SVIL: variants seen among roughly 807,000 people sequenced by gnomAD.
SVIL encodes supervillin, also known as archvillin.
SVIL carries 101 observed loss-of-function variants against 240.4 expected under a neutral mutation model. The ratio of observed to expected loss-of-function variants is 0.42; its 90% confidence interval spans 0.36 to 0.50. SVIL has a LOEUF of 0.50. SVIL is among the 20% of genes least tolerant of loss of function. SVIL has a pLI of 0.01. For synonymous variants in SVIL, 999 were observed against 1,100.0 expected, an observed-to-expected ratio of 0.91 and a Z score of 1.82; for missense variants, 2,512 against 2,818.7, an observed-to-expected ratio of 0.89 and a Z score of 2.46.
intron 1 of SVIL, among the ~76,000 whole-genome samples, chr10:29,576,349 A>G (rs1471103320): frequency 6.6e-6 from 1 of 152,036 alleles, no homozygotes; most frequent in East Asian, 1.9e-4. Flanking sequence ...AAGGCTTGTG[A>G]TTATTGGTAT....
rs556944951 is a variant in SVIL at position 29,679,904 on chromosome 10, C to G, written c.-301+6649G>C. Among the ~76,000 whole-genome samples the G allele has an allele frequency of 2.6e-5, 4 of 151,592 alleles. No individual in the cohort carries two copies. In the East Asian group the frequency reaches 5.8e-4, roughly 22 times the overall value. ...ATTAGAAAAAAAAAAAAGTCCAGGT[C>G]AGGCTCAGTGGCTCACACCTGTAAT... is the stretch of plus-strand genomic sequence containing the variant. On this transcript the variant is annotated intron_variant, in intron 2 of 35. Transcript: ENST00000375400.
At chr10:29,481,172 T>TGTG (rs1946803269) in intron 28 of SVIL, among the ~76,000 whole-genome samples, 4 of 131,396 alleles carry the variant, frequency 3.0e-5, no homozygotes, top group African/African-American at 1.1e-4. Flanking sequence ...GTGTGTTTGT[T>TGTG]TGTGTGTCTG....
At chr10:29,669,759 C>T (rs1959619138) in intron 2 of SVIL, among the ~76,000 whole-genome samples, 1 of 152,092 alleles carries the variant, frequency 6.6e-6, no homozygotes, top group African/African-American at 2.4e-5. Context: ...AGGTTAGCAG[C>T]CACCTGAATT....
rs778152127 is a variant in SVIL, at chr10:29,481,683, A to G, written c.5001T>C (p.Thr1667=). 1.2e-6 allele frequency: 2 copies of G among 1,613,184 alleles called. No homozygotes were observed. Among genetic ancestry groups the G allele is most frequent in the Non-Finnish European group, 1.7e-6 (2 of 1,179,428 alleles). The change falls in exon 28 of 38, where the codon ACT becomes ACC. Residue 1667 remains threonine (T), a synonymous_variant. Transcript: ENST00000355867. ...RPDWAIFGRL[T]EHNETILFKE... is the part of the protein sequence containing the mutation. ...TGAACAAAATCGTCTCATTGTGTTC[A>G]GTAAGTCTCCCAAATATCGCCCAGT... is the stretch of plus-strand genomic sequence containing the variant.
intron 6 of SVIL, among the ~76,000 whole-genome samples, chr10:29,546,141 G>C (rs7904743): frequency 6.6e-6 from 1 of 151,920 alleles, no homozygotes; most frequent in African/African-American, 2.4e-5. Context: ...TCAAGCTCAG[G>C]TGTTTAAAAA....
At chr10:29,565,529 C>T (rs746076571) in intron 2 of SVIL, among the ~76,000 whole-genome samples, 4 of 152,180 alleles carry the variant, frequency 2.6e-5, no homozygotes, top group South Asian at 2.1e-4. Flanking sequence ...GGCTTCATTT[C>T]GCTTCTGGTC....
intron 2 of SVIL, among the ~76,000 whole-genome samples, chr10:29,659,169 G>A (rs1959087009): frequency 6.6e-6 from 1 of 152,156 alleles, no homozygotes; most frequent in South Asian, 2.1e-4. Flanking sequence ...CTTTAGACTC[G>A]AGGGTTGACA....
At chr10:29,545,124 G>C (rs1292668649) in intron 6 of SVIL, 1 of 533,030 alleles carries the variant, frequency 1.9e-6, no homozygotes, top group Admixed American at 1.9e-5. Flanking sequence ...TCAGTGCATG[G>C]AAACAGACCA....
At chr10:29,698,599 T>A (rs3802516) in intron 1 of SVIL, among the ~76,000 whole-genome samples, 2,145 of 149,830 alleles carry the variant, frequency 0.014, 38 homozygotes, top group East Asian at 0.094. Flanking sequence ...ATTCAAGAAA[T>A]CTGTTCATGT....
At chr10:29,654,078 A>T (rs1958924042) in intron 3 of SVIL, among the ~76,000 whole-genome samples, 1 of 152,184 alleles carries the variant, frequency 6.6e-6, no homozygotes. Context: ...AATTAAAAAA[A>T]TTCATTTGAG....
chr10:29,598,732 G>A (rs1009808235), intron 1 of SVIL, among the ~76,000 whole-genome samples: 7 of 152,188 alleles, frequency 4.6e-5, no homozygotes, highest in African/African-American at 1.7e-4. Context: ...CCTGGAAATG[G>A]GCATCAAAGG....
At chr10:29,715,088 T>C (rs1195299152) in intron 1 of SVIL, among the ~76,000 whole-genome samples, 1 of 150,842 alleles carries the variant, frequency 6.6e-6, no homozygotes, top group East Asian at 2.0e-4. Flanking sequence ...ACCAAAGCAA[T>C]ATAACTCTAA....
chr10:29,654,109 T>G (rs1958925027), intron 3 of SVIL, among the ~76,000 whole-genome samples: 1 of 152,210 alleles, frequency 6.6e-6, no homozygotes, highest in Non-Finnish European at 1.5e-5. Context: ...GAGATTGCAT[T>G]AAATCTGTAG....
At chr10:29,736,245 A>C, upstream of SVIL, among the ~76,000 whole-genome samples, 1 of 152,116 alleles carries the variant, frequency 6.6e-6, no homozygotes, top group East Asian at 1.9e-4. Flanking sequence ...GCCCAAGGAA[A>C]CCGCGATGAA....
chr10:29,652,119 C>T (rs1172105807), intron 3 of SVIL, among the ~76,000 whole-genome samples: 4 of 152,136 alleles, frequency 2.6e-5, no homozygotes, highest in South Asian at 2.1e-4. Flanking sequence ...AATATATTCA[C>T]GGAATTGTAC....
intron 5 of SVIL, among the ~76,000 whole-genome samples, chr10:29,553,421 A>G (rs911763942): frequency 6.6e-6 from 1 of 152,082 alleles, no homozygotes; most frequent in African/African-American, 2.4e-5. Flanking sequence ...TGTACTAAAA[A>G]TACAAAAAAA....
At chr10:29,466,780 T>C (rs1424597864) in intron 33 of SVIL, among the ~76,000 whole-genome samples, 1 of 152,218 alleles carries the variant, frequency 6.6e-6, no homozygotes, top group African/African-American at 2.4e-5. Context: ...AAATAGATAT[T>C]ATATATAGCA....
At chr10:29,581,823 G>C (rs1955957510) in intron 1 of SVIL, among the ~76,000 whole-genome samples, 1 of 152,116 alleles carries the variant, frequency 6.6e-6, no homozygotes, top group South Asian at 2.1e-4. Flanking sequence ...GAAAGACATA[G>C]GTCAGTTCTG....
intron 1 of SVIL, among the ~76,000 whole-genome samples, chr10:29,691,154 G>A (rs1428359589): frequency 1.3e-5 from 2 of 151,658 alleles, no homozygotes; most frequent in East Asian, 3.9e-4. Flanking sequence ...ATCTGTAACA[G>A]TATTTGGAGC....
Sources: gnomAD v4.1 joint callset for allele counts (sites outside exome capture counted in the v4.1 genomes callset) on GRCh38, gnomAD v4.1.1 for gene constraint, MANE v1.5 for transcripts, NCBI Gene and HGNC (gene_info 2026-07-23, HGNC 2026-07-21) for gene names.